PTPN2: variants seen among roughly 807,000 people sequenced by gnomAD.
The protein encoded by PTPN2 is protein tyrosine phosphatase non-receptor type 2.
Under a neutral mutation model 57.3 loss-of-function variants are expected in PTPN2, and 19 were observed. The ratio of observed to expected loss-of-function variants is 0.33; its 90% confidence interval spans 0.23 to 0.49. The LOEUF is 0.49. Among genes scored for constraint, PTPN2 ranks in the 20% least tolerant of loss-of-function variants. The pLI, the probability that PTPN2 is intolerant of heterozygous loss-of-function variation, is 0.99. For synonymous variants in PTPN2, 153 were observed against 164.9 expected (o/e 0.93, Z 0.55); for missense variants, 358 against 501.1 (o/e 0.71, Z 2.73).
At chr18:12,867,696 C>T (rs577538417) in intron 1 of PTPN2, among the ~76,000 whole-genome samples, 6 of 152,316 alleles carry the variant, frequency 3.9e-5, no homozygotes, top group East Asian at 1.9e-4. Context: ...TCTCTCCTAA[C>T]GCTCATTTCG....
rs752027221 is a variant in PTPN2, at chr18:12,884,190, C to G, written c.-49G>C. 5 of 1,492,100 alleles carry G rather than the reference C, an allele frequency of 3.4e-6. No homozygotes were observed. In the East Asian group the frequency reaches 1.3e-4, roughly 38 times the overall value. 92.4% of individuals were successfully genotyped at this position (1,492,100 alleles called of 1,614,324 possible). ...AGCAGAGCCTGCGCCGGCGGAGAGG[C>G]TCAGGCCCCGCACGATCCGGGGAGA... On this transcript the variant is annotated 5_prime_UTR_variant, in exon 1 of 9. Transcript: ENST00000309660.
chr18:12,801,275 G>A (rs2041411553), intron 8 of PTPN2, among the ~76,000 whole-genome samples: 1 of 152,336 alleles, frequency 6.6e-6, no homozygotes, highest in Non-Finnish European at 1.5e-5. Flanking sequence ...CACTTTGGGA[G>A]GCTGAGGCGG....
rs1234218330 is a variant in PTPN2 at position 12,801,950 on chromosome 18, T to G, written c.1040+20A>C. The G allele has an allele frequency of 3.2e-6, 5 of 1,555,574 alleles. No homozygotes were observed. The highest frequency in any genetic ancestry group is 4.3e-6 in the Non-Finnish European group (5 of 1,153,812). ...AATAAAAAAGCCTCATCTTTCAGCC[T>G]GTAGTTATAGAAAGCTTACCTCTCA... On this transcript the variant is annotated intron_variant, in intron 8 of 8. Coordinates refer to ENST00000309660, the MANE Select transcript of PTPN2 (RefSeq NM_002828.4).
intron 2 of PTPN2, among the ~76,000 whole-genome samples, chr18:12,840,461 A>C (rs1182278025): frequency 6.6e-6 from 1 of 152,232 alleles, no homozygotes; most frequent in African/African-American, 2.4e-5. Context: ...AGAAAATTCT[A>C]CTTGATGAAA....
chr18:12,793,133 CAAATT>C lies in PTPN2; in HGVS notation c.*1140_*1144del, dbSNP rs566317535. Reference sequence around the variant, plus strand: ...ACAACAATTTCAAGTTTAAGTAAGACAAATTAAACACTGAATGGAATGTTGAAATC... The same window carrying C: ...ACAACAATTTCAAGTTTAAGTAAGACAAACACTGAATGGAATGTTGAAATC... On this transcript the variant is annotated 3_prime_UTR_variant, in exon 9 of 9. Coordinates refer to ENST00000309660, the MANE Select transcript of PTPN2 (RefSeq NM_002828.4). 338 of 984,826 alleles carry C rather than the reference CAAATT, an allele frequency of 3.4e-4. No individual in the cohort carries two copies. Among genetic ancestry groups the C allele is most frequent in the Admixed American group, 8.0e-4 (13 of 16,264 alleles). 61.0% of individuals were successfully genotyped at this position (984,826 alleles called of 1,614,324 possible). A position where few individuals can be genotyped will look rare whatever the true frequency, so the allele number is the denominator to read the frequency against.
chr18:12,819,267 A>G (rs1299977909), intron 5 of PTPN2: 4 of 1,454,232 alleles, frequency 2.8e-6, no homozygotes, highest in East Asian at 2.5e-5. Context: ...AGTGTGATCC[A>G]CAAGTTCTCA....
chr18:12,840,357 TA>T (rs1248804837), intron 2 of PTPN2, among the ~76,000 whole-genome samples: 1 of 152,226 alleles, frequency 6.6e-6, no homozygotes, highest in Admixed American at 6.5e-5. Flanking sequence ...AAGCTGGCAC[TA>T]AACACCAGGT....
At chr18:12,800,763 GAGA>G (rs1209096560) in intron 8 of PTPN2, among the ~76,000 whole-genome samples, 5 of 152,080 alleles carry the variant, frequency 3.3e-5, no homozygotes, top group South Asian at 2.1e-4. Flanking sequence ...TTGGCAAAAA[GAGA>G]AGAAGAAAAG....
chr18:12,818,650 T>C (rs797013417), intron 5 of PTPN2, among the ~76,000 whole-genome samples: 47 of 151,832 alleles, frequency 3.1e-4, no homozygotes, highest in African/African-American at 1.1e-3. Flanking sequence ...TTCAGTTTTA[T>C]TGTAGGAGGT....
At position 12,792,662 on chromosome 18, in the gene PTPN2, C is replaced by G. The variant is rs1458173596; in HGVS notation, c.*1616G>C. The stretch of plus-strand genomic sequence containing the variant: ...CTGGAGTGCAGTGACGTGATCTCAG[C>G]TCACTGCAACCTCCATCTCCTGGGT... On this transcript the variant is annotated 3_prime_UTR_variant, in exon 9 of 9. Transcript: ENST00000309660. 6.5e-6 allele frequency: 1 copy of G among 152,972 alleles called. No homozygotes were observed. Among genetic ancestry groups the G allele is most frequent in the African/African-American group, 2.4e-5 (1 of 41,430 alleles). The allele number at this position is 152,972 out of a possible 1,614,324, so 9.5% of individuals were successfully genotyped here.
intron 8 of PTPN2, among the ~76,000 whole-genome samples, chr18:12,800,125 C>T (rs1401132831): frequency 1.3e-5 from 2 of 152,164 alleles, no homozygotes; most frequent in South Asian, 2.1e-4. Flanking sequence ...CACACACAGA[C>T]CCCATAAAAC....
At chr18:12,868,705 G>A (rs980766622) in intron 1 of PTPN2, among the ~76,000 whole-genome samples, 20 of 148,796 alleles carry the variant, frequency 1.3e-4, no homozygotes, top group Non-Finnish European at 6.0e-5. Context: ...AGGCTGAGGC[G>A]GGCGGATCAC....
intron 1 of PTPN2, among the ~76,000 whole-genome samples, chr18:12,875,832 C>T (rs1464937484): frequency 6.6e-6 from 1 of 152,152 alleles, no homozygotes; most frequent in East Asian, 1.9e-4. Flanking sequence ...GCTAAAAGAA[C>T]AGCAGGGGAC....
chr18:12,875,807 G>C (rs577274028), intron 1 of PTPN2, among the ~76,000 whole-genome samples: 2 of 152,214 alleles, frequency 1.3e-5, no homozygotes, highest in East Asian at 3.8e-4. Context: ...CAGGTAAGAG[G>C]ACAAAGACAA....
chr18:12,853,546 G>A (rs2043468146), intron 2 of PTPN2, among the ~76,000 whole-genome samples: 1 of 152,326 alleles, frequency 6.6e-6, no homozygotes, highest in East Asian at 1.9e-4. Flanking sequence ...TGGACTTAGT[G>A]AACGAGAACC....
intron 8 of PTPN2, among the ~76,000 whole-genome samples, chr18:12,797,227 G>T (rs1016597557): frequency 5.9e-5 from 9 of 151,968 alleles, no homozygotes; most frequent in African/African-American, 2.2e-4. Context: ...GGAGCCTGGG[G>T]GTATCGTTAA....
intron 8 of PTPN2, among the ~76,000 whole-genome samples, chr18:12,798,161 C>G (rs114544085): frequency 6.6e-6 from 1 of 152,114 alleles, no homozygotes; most frequent in African/African-American, 2.4e-5. Context: ...AGAGTAACCT[C>G]ACACACACAC....
chr18:12,875,981 G>C (rs888859688), intron 1 of PTPN2, among the ~76,000 whole-genome samples: 4 of 152,266 alleles, frequency 2.6e-5, no homozygotes, highest in Middle Eastern at 3.4e-3. Context: ...GGTGAAGCCG[G>C]AAGATCGCTT....
chr18:12,802,284 G>C, intron 7 of PTPN2, 133 bp from the exon 8 acceptor site: 1 of 722,736 alleles, frequency 1.4e-6, no homozygotes, highest in South Asian at 2.1e-5. Flanking sequence ...GAGTGAAAAA[G>C]AAAAAGGCAT....
Sources: allele counts gnomAD v4.1 joint callset (sites outside exome capture counted in the v4.1 genomes callset), GRCh38; gene constraint gnomAD v4.1.1; transcripts MANE v1.5; gene names NCBI Gene and HGNC (gene_info 2026-07-23, HGNC 2026-07-21).